The following SLC26A4 variants were observed in gnomAD, a reference collection of about 807,000 sequenced individuals.
SLC26A4 encodes pendrin.
In SLC26A4, 93 loss-of-function variants were observed where a neutral mutation model predicts 90.4. The ratio of observed to expected loss-of-function variants is 1.03; its 90% CI spans 0.87 to 1.22. The LOEUF (loss-of-function observed/expected upper bound fraction) is 1.22. SLC26A4 is among the 50% of genes most tolerant of loss of function. The probability of loss-of-function intolerance (pLI) is 0.00; values close to 1 mark genes in which losing one functional copy is unlikely to be tolerated. For missense variants in SLC26A4, 1,127 were observed against 946.2 expected (o/e 1.19, Z -2.51); for synonymous variants, 393 against 354.6 (o/e 1.11, Z -1.22).
chr7:107,698,197 A>G (rs1791793241), intron 14 of SLC26A4, 86 bp downstream of exon 14: 1 of 888,610 alleles, frequency 1.1e-6, no homozygotes, highest in South Asian at 1.3e-5. Flanking sequence ...AGGTAGCCAA[A>G]GGGAGAAAAT....
In SLC26A4 at chr7:107,701,159, A is replaced by C. The variant is rs397516422; in HGVS notation, c.1766A>C (p.Gln589Pro). The change falls in exon 16 of 21, where the codon CAG (glutamine) becomes CCG (proline). Residue 589 changes from glutamine to proline, a missense_variant. By Grantham distance (76) the Gln-to-Pro change is moderately conservative. Coordinates refer to ENST00000644269, the MANE Select transcript of SLC26A4 (RefSeq NM_000441.2). Reference protein sequence around the residue: ...NKRLKALRKIQKLIKSGQLRA... With the variant: ...NKRLKALRKIPKLIKSGQLRA... ...AGGCTGAAAGCGCTGAGGAAAATACAGAAACTAATAAAAAGTGGACAATTA... is the reference window on the plus strand; with the variant it reads ...AGGCTGAAAGCGCTGAGGAAAATACCGAAACTAATAAAAAGTGGACAATTA... 1.2e-5 allele frequency: 20 copies of C among 1,609,892 alleles called. No homozygotes were observed. Among genetic ancestry groups the C allele is most frequent in the Non-Finnish European group, 1.7e-5 (20 of 1,176,290 alleles).
At chr7:107,685,399 A>C (rs1207786917) in intron 8 of SLC26A4, among the ~76,000 whole-genome samples, 1 of 152,198 alleles carries the variant, frequency 6.6e-6, no homozygotes. Context: ...AGGTGAGCAC[A>C]GTGAAAGGAA....
At chr7:107,680,033 T>C (rs1264789318) in intron 6 of SLC26A4, among the ~76,000 whole-genome samples, 1 of 132,746 alleles carries the variant, frequency 7.5e-6, no homozygotes, top group Admixed American at 7.6e-5. Context: ...TATTATATAA[T>C]ATAATCTTAT....
At position 107,697,862 on chromosome 7, in the gene SLC26A4, C is replaced by A. The variant is rs541531330; in HGVS notation, c.1545-180C>A. Among the ~76,000 whole-genome samples, 4 of 152,268 alleles carry A rather than the reference C, an allele frequency of 2.6e-5. No individual in the cohort carries two copies. The South Asian group carries it at 6.2e-4, about 24-fold the overall frequency. On this transcript the variant is annotated intron_variant, in intron 13 of 20. Coordinates refer to ENST00000644269, the MANE Select transcript of SLC26A4 (RefSeq NM_000441.2). ...AGAGGCACAGTTCTCCCCTCCCCTGCCGATTCCACACAAACACCAGCTGTT... is the reference window on the plus strand; with the variant it reads ...AGAGGCACAGTTCTCCCCTCCCCTGACGATTCCACACAAACACCAGCTGTT...
intron 8 of SLC26A4, among the ~76,000 whole-genome samples, chr7:107,686,285 C>A (rs1431356579): frequency 1.6e-5 from 2 of 122,220 alleles, no homozygotes; most frequent in African/African-American, 6.3e-5. Flanking sequence ...TCCCTTCCCT[C>A]CCTTTCCTAC....
In SLC26A4 at chr7:107,671,751, G is replaced by A. The variant is rs149999676; in HGVS notation, c.305-387G>A. ...ACAGATGCTCCTCTACTTCTCATGA[G>A]TTACATCCTAATAACCCATTGCAAG... On this transcript the variant is annotated intron_variant, in intron 3 of 20. Transcript: ENST00000644269. Among the ~76,000 whole-genome samples the A allele has an allele frequency of 8.4e-3, 1,286 of 152,246 alleles. 13 individuals carry two copies. The highest frequency in any genetic ancestry group is 0.036 in the South Asian group (171 of 4,814).
chr7:107,677,514 A>G (rs1004975643), intron 6 of SLC26A4, among the ~76,000 whole-genome samples: 3 of 152,150 alleles, frequency 2.0e-5, no homozygotes, highest in Non-Finnish European at 4.4e-5. Context: ...CCAGCCTATT[A>G]GGAAACATTA....
At position 107,710,192 on chromosome 7, in the gene SLC26A4, T is replaced by C. The variant is rs1057517303; in HGVS notation, c.2228T>C (p.Leu743Ser). 22 of 1,598,972 alleles carry C rather than the reference T, an allele frequency of 1.4e-5. No individual in the cohort carries two copies. In the African/African-American group the frequency reaches 1.6e-4, roughly 12 times the overall value. Residue 743 changes from leucine (L) to serine (S), a missense_variant, in exon 19 of 21, where the codon TTA becomes TCA. Transcript: ENST00000644269. ...VKSQEGQGSILETITLIQDCK... is the reference protein window; with the variant it reads ...VKSQEGQGSISETITLIQDCK... The stretch of plus-strand genomic sequence containing the variant: ...TCTCAAGAGGGTCAAGGTTCCATTT[T>C]AGAAACGGTAAATATTCAACCTTTC...
chr7:107,694,302 A>G (rs1200761636), intron 10 of SLC26A4, 101 bp from the exon 11 acceptor site: 1 of 843,280 alleles, frequency 1.2e-6, no homozygotes, highest in African/African-American at 1.7e-5. Flanking sequence ...GGGAAGTATG[A>G]AGTGTGTCTG....
chr7:107,672,214 C>T lies in SLC26A4; in HGVS notation c.381C>T (p.Tyr127=). The change falls in exon 4 of 21, where the codon TAC becomes TAT. Residue 127 remains tyrosine, a synonymous_variant. Transcript: ENST00000644269. ...CTGCTTTTTTCCCTATCCTGACATACTTTATCTTTGGAACATCAAGACATA... is the reference window on the plus strand; with the variant it reads ...CTGCTTTTTTCCCTATCCTGACATATTTTATCTTTGGAACATCAAGACATA... ...LYSAFFPILT[Y]FIFGTSRHIS... 2 of 1,609,256 alleles carry T rather than the reference C, an allele frequency of 1.2e-6. No individual in the cohort carries two copies. The highest frequency in any genetic ancestry group is 8.5e-7 in the Non-Finnish European group (1 of 1,175,760).
chr7:107,707,143 T>TA (rs886403553), intron 18 of SLC26A4, among the ~76,000 whole-genome samples: 49 of 150,300 alleles, frequency 3.3e-4, no homozygotes, highest in African/African-American at 2.0e-4. Flanking sequence ...TCTCAAAAAA[T>TA]AAAAAAAAAG....
At position 107,698,072 on chromosome 7, in the gene SLC26A4, T is replaced by C; in HGVS notation, c.1575T>C (p.Pro525=). 6.2e-7 allele frequency: 1 copy of C among 1,610,724 alleles called. No homozygotes were observed. The highest frequency in any genetic ancestry group is 8.5e-7 in the Non-Finnish European group (1 of 1,176,962). Residue 525 remains proline, a synonymous_variant, in exon 14 of 21, where the codon CCT becomes CCC. Transcript: ENST00000644269. ...FPSWNGLGSI[P]STDIYKSTKN... ...CTTGGAATGGCCTTGGAAGCATCCC[T>C]AGCACAGATATCTACAAAAGTACCA...
At chr7:107,703,956 G>A (rs1191682965) in intron 17 of SLC26A4, among the ~76,000 whole-genome samples, 1 of 152,090 alleles carries the variant, frequency 6.6e-6, no homozygotes, top group African/African-American at 2.4e-5. Flanking sequence ...CAAAATAGAG[G>A]CCTTGACTTT....
intron 3 of SLC26A4, among the ~76,000 whole-genome samples, chr7:107,666,857 C>A (rs921102128): frequency 6.6e-6 from 1 of 152,144 alleles, no homozygotes; most frequent in Non-Finnish European, 1.5e-5. Context: ...TTGCCTCACC[C>A]TATTCCTGGC....
intron 18 of SLC26A4, among the ~76,000 whole-genome samples, chr7:107,709,696 C>T (rs189739627): frequency 1.3e-4 from 20 of 152,230 alleles, no homozygotes; most frequent in East Asian, 3.9e-4. Context: ...AGGTTGACTA[C>T]GACCAGTTAT....
In SLC26A4 at chr7:107,674,970, G is replaced by C; in HGVS notation, c.626G>C (p.Gly209Ala). The change falls in exon 6 of 21, where the codon GGA becomes GCA. Residue 209 changes from glycine (G) to alanine (A), a missense_variant. By Grantham distance (60) the Gly-to-Ala change is moderately conservative. Coordinates refer to ENST00000644269, the MANE Select transcript of SLC26A4 (RefSeq NM_000441.2). The part of the protein sequence containing the change: ...IQLIFGGLQI[G>A]FIVRYLADPL... The stretch of plus-strand genomic sequence containing the variant: ...TTGATATTTGGTGGCTTGCAGATTG[G>C]ATTCATAGTGAGGTACTTGGCAGAT... The C allele has an allele frequency of 6.2e-7, 1 of 1,614,054 alleles. No individual in the cohort carries two copies.
rs1158932180 is a variant in SLC26A4, at chr7:107,663,395, CA to C, written c.265del (p.Ile89PhefsTer8). ...TCAAGGAATGGCTGCTTAGTGACGT[CA>C]TTTCGGGAGTTAGTACTGGGCTAGT... ...RVKEWLLSDVISGVSTGLVAT... is the reference protein window; with the variant it reads ...RVKEWLLSDVXSGVSTGLVAT... On this transcript the variant is annotated frameshift_variant, in exon 3 of 21. Transcript: ENST00000644269. LOFTEE classifies it high-confidence loss of function. The C allele has an allele frequency of 6.2e-7, 1 of 1,614,088 alleles. No homozygotes were observed. The highest frequency in any genetic ancestry group is 8.5e-7 in the Non-Finnish European group (1 of 1,179,996).
At chr7:107,695,844 G>T in intron 12 of SLC26A4, 89 bp from the exon 13 acceptor site, 1 of 805,174 alleles carries the variant, frequency 1.2e-6, no homozygotes, top group Non-Finnish European at 2.2e-6. Context: ...TTTGTTTGTG[G>T]ATCATTGATC....
In SLC26A4 at chr7:107,674,940, C is replaced by T. The variant is rs546450643; in HGVS notation, c.601-5C>T. On this transcript the variant is annotated splice_polypyrimidine_tract_variant and splice_region_variant and intron_variant, in intron 5 of 20. Transcript: ENST00000644269. Reference sequence around the variant, plus strand: ...TTAATTTTTCTTTCCTTTTCCTTATCGTAGTTGATATTTGGTGGCTTGCAG... The same window carrying T: ...TTAATTTTTCTTTCCTTTTCCTTATTGTAGTTGATATTTGGTGGCTTGCAG... 98 of 1,613,452 alleles carry T rather than the reference C, an allele frequency of 6.1e-5. 1 individual carries two copies. The highest frequency in any genetic ancestry group is 3.2e-4 in the South Asian group (29 of 91,058).
Sources: gnomAD v4.1 joint callset for allele counts (sites outside exome capture counted in the v4.1 genomes callset) on GRCh38, gnomAD v4.1.1 for gene constraint, MANE v1.5 for transcripts, NCBI Gene and HGNC (gene_info 2026-07-23, HGNC 2026-07-21) for gene names.